Variants in ETAA1 observed in about 807,000 individuals in gnomAD.
The protein encoded by ETAA1 is ETAA1 activator of ATR kinase.
ETAA1 carries 49 observed loss-of-function variants against 76.8 expected under a neutral mutation model. The observed-to-expected ratio is 0.64, with a 90% confidence interval of 0.51 to 0.81. The LOEUF (loss-of-function observed/expected upper bound fraction) is 0.81. Ranked by LOEUF, ETAA1 falls within the 30% of genes least tolerant of loss-of-function variation. The pLI is 0.00. For synonymous variants in ETAA1, 373 were observed against 372.2 expected, an observed-to-expected ratio of 1.00 and a Z score of -0.03; for missense variants, 1,099 against 1,074.0, an observed-to-expected ratio of 1.02 and a Z score of -0.32.
intron 2 of ETAA1, 49 bp from the exon 3 acceptor site, chr2:67,399,501 A>C (rs1343348947): frequency 1.4e-6 from 2 of 1,434,796 alleles, no homozygotes; most frequent in Non-Finnish European, 1.9e-6. Flanking sequence ...GTTTTTTAAA[A>C]TGGAGGGTTT....
chr2:67,398,711 G>A (rs1338267338), intron 1 of ETAA1, among the ~76,000 whole-genome samples: 2 of 152,138 alleles, frequency 1.3e-5, no homozygotes, highest in Non-Finnish European at 2.9e-5. Flanking sequence ...AGTGATTCTA[G>A]ACAAAAATTC....
intron 5 of ETAA1, among the ~76,000 whole-genome samples, chr2:67,405,749 T>G (rs769889490): frequency 5.3e-5 from 8 of 152,064 alleles, no homozygotes; most frequent in Non-Finnish European, 1.2e-4. Context: ...TAAATAATAT[T>G]TAGAAATTTA....
intron 1 of ETAA1, among the ~76,000 whole-genome samples, chr2:67,398,308 T>C (rs1251949847): frequency 3.5e-3 from 11 of 3,156 alleles, no homozygotes; most frequent in East Asian, 0.023. Flanking sequence ...AAATAGTGCT[T>C]TTTTTTTTTT....
Position 67,403,498 on chromosome 2 carries a change from G to A in ETAA1, c.816G>A (p.Lys272=). The A allele has an allele frequency of 6.2e-7, 1 of 1,613,444 alleles. No individual in the cohort carries two copies. The highest frequency in any genetic ancestry group is 8.5e-7 in the Non-Finnish European group (1 of 1,179,488). The change falls in exon 5 of 6, where the codon AAG becomes AAA. Residue 272 remains lysine, a synonymous_variant. Coordinates refer to ENST00000272342, the MANE Select transcript of ETAA1 (RefSeq NM_019002.4). The part of the protein sequence containing the change: ...SVANNQNSSQ[K]PFDQIAEAAF... Reference sequence around the variant, plus strand: ...CAAATAATCAAAATAGCAGTCAGAAGCCATTTGACCAAATTGCTGAAGCAG... The same window carrying A: ...CAAATAATCAAAATAGCAGTCAGAAACCATTTGACCAAATTGCTGAAGCAG...
intron 1 of ETAA1, among the ~76,000 whole-genome samples, chr2:67,398,350 T>A (rs960237894): frequency 6.6e-6 from 1 of 151,580 alleles, no homozygotes; most frequent in Non-Finnish European, 1.5e-5. Flanking sequence ...GTCTTTTTTC[T>A]TTTGGGAAAG....
At chr2:67,400,617 T>C (rs1676028339) in intron 3 of ETAA1, 1 of 152,214 alleles carries the variant, frequency 6.6e-6, no homozygotes, top group African/African-American at 2.4e-5. Flanking sequence ...TTCTTTACTT[T>C]TTGTTCTCTT....
intron 5 of ETAA1, 128 bp from the exon 6 acceptor site, chr2:67,409,783 A>G (rs1676319038): frequency 1.3e-6 from 1 of 769,056 alleles, no homozygotes; most frequent in Non-Finnish European, 2.1e-6. Context: ...TATATTCAGT[A>G]GTTTAGTTTG....
chr2:67,403,749 G>A lies in ETAA1; in HGVS notation c.1067G>A (p.Cys356Tyr). Residue 356 changes from cysteine to tyrosine, a missense_variant, in exon 5 of 6, where the codon TGT becomes TAT. Cys to Tyr is a radical substitution (Grantham distance 194). Coordinates refer to ENST00000272342, the MANE Select transcript of ETAA1 (RefSeq NM_019002.4). ...QVDTPIMTKS[C>Y]VTSCTKEPET... ...GATACACCCATAATGACAAAATCATGTGTGACTTCCTGTACTAAGGAGCCA... is the reference window on the plus strand; with the variant it reads ...GATACACCCATAATGACAAAATCATATGTGACTTCCTGTACTAAGGAGCCA... The A allele has an allele frequency of 6.2e-7, 1 of 1,613,378 alleles. No homozygotes were observed.
chr2:67,411,725 T>C lies in ETAA1; in HGVS notation c.*1687T>C, dbSNP rs1558584429. 3 of 152,244 alleles carry C rather than the reference T, an allele frequency of 2.0e-5. No individual in the cohort carries two copies. The highest frequency in any genetic ancestry group is 2.0e-4 in the Admixed American group (3 of 15,272). 9.4% of individuals were successfully genotyped at this position (152,244 alleles called of 1,614,324 possible). On this transcript the variant is annotated 3_prime_UTR_variant, in exon 6 of 6. Coordinates refer to ENST00000272342, the MANE Select transcript of ETAA1 (RefSeq NM_019002.4). Reference sequence around the variant, plus strand: ...AAAAATGGTATTTTCATATCTACAGTGGAGTACTGGAGTTTAGCTAACCTA... The same window carrying C: ...AAAAATGGTATTTTCATATCTACAGCGGAGTACTGGAGTTTAGCTAACCTA...
At chr2:67,401,391 T>G (rs1360863528) in intron 3 of ETAA1, 1 of 151,894 alleles carries the variant, frequency 6.6e-6, no homozygotes, top group African/African-American at 2.4e-5. Flanking sequence ...GCGCTTTTAT[T>G]TTGGTTGGAC....
At position 67,403,360 on chromosome 2, in the gene ETAA1, G is replaced by A. The variant is rs1007214458; in HGVS notation, c.678G>A (p.Glu226=). The A allele has an allele frequency of 3.7e-6, 6 of 1,604,230 alleles. No homozygotes were observed. In the African/African-American group the frequency reaches 6.7e-5, roughly 18 times the overall value. ...TTACCCAGATGATTTCAGAAACAGA[G>A]ATTTTAAGTAATTATAAAGATAATA... ...YDFTQMISET[E]ILSNYKDNIQ... Residue 226 remains glutamate, a synonymous_variant, in exon 5 of 6, where the codon GAG becomes GAA. Coordinates refer to ENST00000272342, the MANE Select transcript of ETAA1 (RefSeq NM_019002.4).
rs541156511 is a variant in ETAA1 at position 67,411,687 on chromosome 2, G to A, written c.*1649G>A. 6.6e-6 allele frequency: 1 copy of A among 152,192 alleles called. No individual in the cohort carries two copies. The highest frequency in any genetic ancestry group is 6.6e-5 in the Admixed American group (1 of 15,258). The allele number at this position is 152,192 out of a possible 1,614,324, so 9.4% of individuals were successfully genotyped here. ...ATTGTAAGTCAACCATTTTAAGTTGGAGACTGTACATCAAAAATGGTATTT... is the reference window on the plus strand; with the variant it reads ...ATTGTAAGTCAACCATTTTAAGTTGAAGACTGTACATCAAAAATGGTATTT... On this transcript the variant is annotated 3_prime_UTR_variant, in exon 6 of 6. Transcript: ENST00000272342.
At chr2:67,401,053 C>G (rs1281913626) in intron 3 of ETAA1, 1 of 151,970 alleles carries the variant, frequency 6.6e-6, no homozygotes, top group African/African-American at 2.4e-5. Flanking sequence ...GTGGGCCAGT[C>G]TAAATAGTGA....
intron 3 of ETAA1, 107 bp from the exon 4 acceptor site, chr2:67,402,755 T>C: frequency 3.0e-6 from 2 of 659,818 alleles, no homozygotes; most frequent in Non-Finnish European, 4.6e-6. Flanking sequence ...AGGAAATTAA[T>C]TCAAAATCAT....
Position 67,405,246 on chromosome 2 carries a change from AAAAG to A in ETAA1, c.2569_2572del (p.Lys857ValfsTer16), listed in dbSNP as rs759474663. 6.2e-6 allele frequency: 10 copies of A among 1,611,666 alleles called. No individual in the cohort carries two copies. Among genetic ancestry groups the A allele is most frequent in the South Asian group, 1.1e-5 (1 of 90,854 alleles). ...ACCAAAATTACACAGGGTGTGGAGA[AAAAG>A]AAAGGTGTCAACCCATTACTGGAGG... On this transcript the variant is annotated frameshift_variant, in exon 5 of 6. Coordinates refer to ENST00000272342, the MANE Select transcript of ETAA1 (RefSeq NM_019002.4). LOFTEE classifies it high-confidence loss of function.
chr2:67,404,414 G>C lies in ETAA1; in HGVS notation c.1732G>C (p.Asp578His), dbSNP rs1202068378. 1 of 1,613,280 alleles carries C rather than the reference G, an allele frequency of 6.2e-7. No homozygotes were observed. The highest frequency in any genetic ancestry group is 1.1e-5 in the South Asian group (1 of 91,058). ...TGCATCAAAAGTAGGTTCTTTCTTT[G>C]ATGATTGGAATGATCCCTCATTTGC... ...TSASKVGSFF[D>H]DWNDPSFANE... Residue 578 changes from aspartate to histidine, a missense_variant, in exon 5 of 6, where the codon GAT becomes CAT. Around this residue, in one of 3 missense-constraint regions of ETAA1, gnomAD observed 761 missense variants for 731.9 expected, o/e 1.04. Transcript: ENST00000272342.
rs954420171 is a variant in ETAA1 at position 67,411,917 on chromosome 2, T to G, written c.*1879T>G. 3 of 152,066 alleles carry G rather than the reference T, an allele frequency of 2.0e-5. No homozygotes were observed. The highest frequency in any genetic ancestry group is 7.2e-5 in the African/African-American group (3 of 41,430). 9.4% of individuals were successfully genotyped at this position (152,066 alleles called of 1,614,324 possible). A position where few individuals can be genotyped will look rare whatever the true frequency, so the allele number is the denominator to read the frequency against. ...CTCCTCCCTGCTTACTGCTTGCTTT[T>G]TTAAGAGTACTTTTAGCCTATTCTG... On this transcript the variant is annotated 3_prime_UTR_variant, in exon 6 of 6. Coordinates refer to ENST00000272342, the MANE Select transcript of ETAA1 (RefSeq NM_019002.4).
rs1416076508 is a variant in ETAA1, at chr2:67,397,398, C to G, written c.-51C>G. The G allele has an allele frequency of 1.3e-6, 2 of 1,536,760 alleles. No homozygotes were observed. Among genetic ancestry groups the G allele is most frequent in the African/African-American group, 1.4e-5 (1 of 73,116 alleles). The stretch of plus-strand genomic sequence containing the variant: ...TTGTAGTGCTGTTGCCCTACTCATC[C>G]CTTTGCAAAATGTGAAAGAAGAAGC... On this transcript the variant is annotated 5_prime_UTR_variant, in exon 1 of 6. Coordinates refer to ENST00000272342, the MANE Select transcript of ETAA1 (RefSeq NM_019002.4).
intron 1 of ETAA1, among the ~76,000 whole-genome samples, 157 bp downstream of exon 1, chr2:67,397,828 C>T (rs72835803): frequency 0.029 from 4,417 of 152,240 alleles, 100 homozygotes; most frequent in Non-Finnish European, 0.042. Flanking sequence ...TATACCACTC[C>T]CCGATGGGCT....
Sources: gnomAD v4.1 joint callset for allele counts (sites outside exome capture counted in the v4.1 genomes callset) on GRCh38, gnomAD v4.1.1 for gene constraint, gnomAD v4.1.1 regional missense constraint, MANE v1.5 for transcripts, NCBI Gene and HGNC (gene_info 2026-07-23, HGNC 2026-07-21) for gene names.